The following CLIP1 variants were observed in gnomAD, a reference collection of about 807,000 sequenced individuals.
CLIP1 encodes the protein CAP-Gly domain-containing linker protein 1.
CLIP1 carries 66 observed loss-of-function variants against 161.6 expected under a neutral mutation model. That is an observed-to-expected ratio of 0.41 (90% CI 0.33 to 0.50). The LOEUF is 0.50. CLIP1 is among the 20% of genes least tolerant of loss of function. The pLI, the probability that CLIP1 is intolerant of heterozygous loss-of-function variation, is 0.27. For synonymous variants in CLIP1, 598 were observed against 626.2 expected (o/e 0.96, Z 0.67); for missense variants, 1,376 against 1,702.0 (o/e 0.81, Z 3.37).
chr12:122,298,043 G>A (rs1950540405), intron 20 of CLIP1, among the ~76,000 whole-genome samples: 1 of 152,292 alleles, frequency 6.6e-6, no homozygotes, highest in Non-Finnish European at 1.5e-5. Flanking sequence ...CCACGGCATT[G>A]GTCAAGGCTG....
intron 5 of CLIP1, 54 bp downstream of exon 5, chr12:122,360,905 C>T (rs751119949): frequency 9.0e-6 from 13 of 1,450,022 alleles, no homozygotes; most frequent in South Asian, 7.5e-5. Context: ...GCACTGACCA[C>T]GGGCCTTAAT....
chr12:122,419,447 C>A (rs756513092), intron 1 of CLIP1, among the ~76,000 whole-genome samples: 1 of 151,750 alleles, frequency 6.6e-6, no homozygotes. Context: ...TGCAAGGGTC[C>A]CGAAATGTGA....
intron 19 of CLIP1, among the ~76,000 whole-genome samples, chr12:122,312,922 C>T (rs983694961): frequency 2.6e-5 from 4 of 152,184 alleles, no homozygotes; most frequent in African/African-American, 9.7e-5. Flanking sequence ...CATTCTCCAG[C>T]TTTGAGCTCT....
At chr12:122,335,250 A>G (rs1952163831) in intron 12 of CLIP1, among the ~76,000 whole-genome samples, 1 of 152,160 alleles carries the variant, frequency 6.6e-6, no homozygotes. Context: ...TTGTCCTGAG[A>G]TGAACTTCGA....
At position 122,328,175 on chromosome 12, in the gene CLIP1, C is replaced by G; in HGVS notation, c.3034-13G>C. The G allele has an allele frequency of 6.2e-7, 1 of 1,613,668 alleles. No homozygotes were observed. Among genetic ancestry groups the G allele is most frequent in the Non-Finnish European group, 8.5e-7 (1 of 1,179,920 alleles). The stretch of plus-strand genomic sequence containing the variant: ...CCATTTTCTTTTCCTGCAGAGACCC[C>G]GAATGAGGGAATGAGTCATCTGCCC... On this transcript the variant is annotated splice_polypyrimidine_tract_variant and intron_variant, in intron 16 of 25. Transcript: ENST00000620786.
chr12:122,391,058 C>T (rs557696761), intron 1 of CLIP1, among the ~76,000 whole-genome samples: 4 of 152,182 alleles, frequency 2.6e-5, no homozygotes, highest in East Asian at 1.9e-4. Context: ...GAGGCCGGGA[C>T]AGGCAGATCA....
At chr12:122,394,325 A>G (rs1407421367) in intron 1 of CLIP1, among the ~76,000 whole-genome samples, 1 of 151,854 alleles carries the variant, frequency 6.6e-6, no homozygotes, top group Non-Finnish European at 1.5e-5. Context: ...CGTCTCTACT[A>G]AAAATACAAA....
At chr12:122,378,524 T>C (rs958612635) in intron 2 of CLIP1, among the ~76,000 whole-genome samples, 2 of 152,206 alleles carry the variant, frequency 1.3e-5, no homozygotes, top group African/African-American at 2.4e-5. Flanking sequence ...GCAATTAAGA[T>C]TAGAAAAAGT....
intron 20 of CLIP1, among the ~76,000 whole-genome samples, chr12:122,306,784 C>A (rs1239560894): frequency 1.3e-5 from 2 of 152,072 alleles, no homozygotes; most frequent in Non-Finnish European, 2.9e-5. Flanking sequence ...AAAAAAAGTA[C>A]CAGTAGGGTT....
chr12:122,422,177 CG>C (rs937229507), intron 1 of CLIP1, among the ~76,000 whole-genome samples: 35 of 152,184 alleles, frequency 2.3e-4, no homozygotes, highest in African/African-American at 7.0e-4. Context: ...GGAGAGGGAG[CG>C]GGGCGCCAGG....
At chr12:122,278,254 A>G (rs780198538) in intron 23 of CLIP1, 51 bp from the exon 24 acceptor site, 1 of 1,472,920 alleles carries the variant, frequency 6.8e-7, no homozygotes, top group South Asian at 1.2e-5. Flanking sequence ...GAATATATGT[A>G]TATTTTTAAT....
intron 3 of CLIP1, 51 bp downstream of exon 3, chr12:122,377,338 G>T: frequency 6.7e-7 from 1 of 1,499,648 alleles, no homozygotes; most frequent in South Asian, 1.2e-5. Context: ...CCACTCACTG[G>T]TGTTTATATC....
Position 122,377,881 on chromosome 12 carries a change from C to T in CLIP1, c.165G>A (p.Val55=). The change falls in exon 3 of 26, where the codon GTG becomes GTA. Residue 55 remains valine (V), a synonymous_variant. Transcript: ENST00000620786. The part of the protein sequence containing the change: ...TPSSETQEEF[V]DDFRVGERVW... ...CTCGCTCCCCAACTCGAAAGTCATCCACAAATTCCTCCTGAGTCTCAGATG... is the reference window on the plus strand; with the variant it reads ...CTCGCTCCCCAACTCGAAAGTCATCTACAAATTCCTCCTGAGTCTCAGATG... 6.2e-7 allele frequency: 1 copy of T among 1,613,974 alleles called. No individual in the cohort carries two copies. The highest frequency in any genetic ancestry group is 8.5e-7 in the Non-Finnish European group (1 of 1,180,014).
chr12:122,364,343 C>G (rs1954020268), intron 3 of CLIP1, among the ~76,000 whole-genome samples: 1 of 151,854 alleles, frequency 6.6e-6, no homozygotes, highest in Admixed American at 6.6e-5. Flanking sequence ...ATGAGACAGC[C>G]AATCTAATAT....
Position 122,370,957 on chromosome 12 carries a change from C to CA in CLIP1, c.657+6431dup, listed in dbSNP as rs536221571. On this transcript the variant is annotated intron_variant, in intron 3 of 25. Coordinates refer to ENST00000620786, the MANE Select transcript of CLIP1 (RefSeq NM_001247997.2). ...TGGGCAACAGAGCAGGACTCTGTCT[C>CA]AAAAAAAAAAAAGAAAAAAAAAAAA... is the stretch of plus-strand genomic sequence containing the variant. Among the ~76,000 whole-genome samples the CA allele has an allele frequency of 3.9e-3, 260 of 67,286 alleles. 5 individuals carry two copies. Among genetic ancestry groups the CA allele is most frequent in the East Asian group, 0.035 (71 of 2,018 alleles). 44.1% of individuals were successfully genotyped at this position (67,286 alleles called of 152,430 possible).
Position 122,330,597 on chromosome 12 carries a change from G to GTTTTTTTTTTTTTGTTTTTTT in CLIP1, c.2868-2172_2868-2171insAAAAAAACAAAAAAAAAAAAA, listed in dbSNP as rs1555265518. Among the ~76,000 whole-genome samples, 22 of 101,380 alleles carry GTTTTTTTTTTTTTGTTTTTTT rather than the reference G, an allele frequency of 2.2e-4. 1 individual carries two copies. Among genetic ancestry groups the GTTTTTTTTTTTTTGTTTTTTT allele is most frequent in the African/African-American group, 6.1e-4 (14 of 22,778 alleles). The allele number at this position is 101,380 out of a possible 152,430, so 66.5% of individuals were successfully genotyped here. ...TTCAGCACTGAAGAAGTATAATGCA[G>GTTTTTTTTTTTTTGTTTTTTT]TTTTTTTTTTTTTTTTTTTTGAGAT... On this transcript the variant is annotated intron_variant, in intron 15 of 25. Coordinates refer to ENST00000620786, the MANE Select transcript of CLIP1 (RefSeq NM_001247997.2).
intron 2 of CLIP1, 85 bp from the exon 3 acceptor site, chr12:122,378,045 GC>G: frequency 8.6e-7 from 1 of 1,164,898 alleles, no homozygotes. Flanking sequence ...AAAGCCAACA[GC>G]CCACAGGAGT....
At chr12:122,328,467 G>A in intron 15 of CLIP1, 41 bp from the exon 16 acceptor site, 1 of 1,291,696 alleles carries the variant, frequency 7.7e-7, no homozygotes, top group African/African-American at 1.5e-5. Context: ...TTTTTCATAA[G>A]AATGTTTTAA....
intron 17 of CLIP1, among the ~76,000 whole-genome samples, chr12:122,325,930 G>A (rs1951697102): frequency 6.6e-6 from 1 of 152,206 alleles, no homozygotes; most frequent in Non-Finnish European, 1.5e-5. Context: ...TAGGATTACA[G>A]GCGTGAGCCA....
Sources: allele counts gnomAD v4.1 joint callset (sites outside exome capture counted in the v4.1 genomes callset), GRCh38; gene constraint gnomAD v4.1.1; transcripts MANE v1.5; gene names NCBI Gene and HGNC (gene_info 2026-07-23, HGNC 2026-07-21).